The following MAST3 variants were observed in gnomAD, a reference collection of about 807,000 sequenced individuals.
The protein encoded by MAST3 is microtubule associated serine/threonine kinase 3.
MAST3 carries 43 observed loss-of-function variants against 127.0 expected under a neutral mutation model. That is an observed-to-expected ratio of 0.34 (90% CI 0.27 to 0.44). The LOEUF is 0.44. Ranked by LOEUF, MAST3 falls within the 20% of genes least tolerant of loss-of-function variation. The pLI, the probability that MAST3 is intolerant of heterozygous loss-of-function variation, is 1.00. For missense variants in MAST3, 1,390 were observed against 1,919.1 expected (o/e 0.72, Z 5.15); for synonymous variants, 785 against 809.2 (o/e 0.97, Z 0.51).
chr19:18,123,923 G>C lies in MAST3; in HGVS notation c.634-16G>C. On this transcript the variant is annotated splice_polypyrimidine_tract_variant and intron_variant, in intron 8 of 27. Coordinates refer to ENST00000687212, the MANE Select transcript of MAST3 (RefSeq NM_001393504.1). ...CCCCGCCCTCTGACCAGGTCGCCCC[G>C]TCTCGCCCCACCCAGGCCACAGCAC... 1 of 1,545,850 alleles carries C rather than the reference G, an allele frequency of 6.5e-7. No individual in the cohort carries two copies. Among genetic ancestry groups the C allele is most frequent in the Non-Finnish European group, 8.7e-7 (1 of 1,151,188 alleles).
At chr19:18,142,496 C>T (rs2042602917) in intron 21 of MAST3, among the ~76,000 whole-genome samples, 1 of 151,996 alleles carries the variant, frequency 6.6e-6, no homozygotes, top group Non-Finnish European at 1.5e-5. Flanking sequence ...GGACTACAGG[C>T]ACCTGCCACC....
At position 18,123,233 on chromosome 19, in the gene MAST3, G is replaced by A. The variant is rs1257587796; in HGVS notation, c.416G>A (p.Arg139Gln). The A allele has an allele frequency of 3.1e-6, 5 of 1,613,568 alleles. No homozygotes were observed. Among genetic ancestry groups the A allele is most frequent in the South Asian group, 1.1e-5 (1 of 91,074 alleles). ...SSTLSSSSSS[R>Q]ERLHQLPFQP... ...CTCTACCAGTCAAGCTCATCCTCCC[G>A]GGAACGTCTCCACCAGCTTCCCTTC... is the stretch of plus-strand genomic sequence containing the variant. Residue 139 changes from arginine (R) to glutamine (Q), a missense_variant, in exon 7 of 28, where the codon CGG becomes CAG. By Grantham distance (43) the Arg-to-Gln change is conservative. Around this residue, in one of 5 missense-constraint regions of MAST3, gnomAD observed 45 missense variants for 113.0 expected, o/e 0.40. Transcript: ENST00000687212.
rs145049650 is a variant in MAST3 at position 18,149,691 on chromosome 19, G to A, written c.4009G>A (p.Val1337Met). The A allele has an allele frequency of 7.3e-5, 118 of 1,613,014 alleles. No individual in the cohort carries two copies. Among genetic ancestry groups the A allele is most frequent in the Admixed American group, 2.3e-4 (14 of 60,012 alleles). The stretch of plus-strand genomic sequence containing the variant: ...GATCGCCGTGGAGGGCGAGGAAGCC[G>A]TGCCAGTAGCTCTCGGGCCCACCGG... The part of the protein sequence containing the change: ...PQIAVEGEEA[V>M]PVALGPTGRD Residue 1337 changes from valine (V) to methionine (M), a missense_variant, in exon 28 of 28, where the codon GTG becomes ATG. This residue lies in a region of MAST3 where 816 missense variants were observed against 934.1 expected (regional missense o/e 0.87). Transcript: ENST00000687212. The surrounding 1 kb of genome is among the most constrained non-coding windows in gnomAD (Gnocchi z 5.9).
chr19:18,141,146 T>A (rs1272027772), intron 20 of MAST3, among the ~76,000 whole-genome samples: 1 of 152,102 alleles, frequency 6.6e-6, no homozygotes, highest in African/African-American at 2.4e-5. Context: ...CTACTTTTTT[T>A]ATGATCTGAT....
At chr19:18,119,121 G>T (rs2039645775) in intron 3 of MAST3, among the ~76,000 whole-genome samples, 1 of 152,188 alleles carries the variant, frequency 6.6e-6, no homozygotes, top group Non-Finnish European at 1.5e-5. Context: ...CCTCCAGGAA[G>T]AGTTGAACAA....
intron 1 of MAST3, among the ~76,000 whole-genome samples, chr19:18,100,894 T>C (rs1038806197): frequency 2.0e-5 from 3 of 151,992 alleles, no homozygotes; most frequent in Non-Finnish European, 4.4e-5. Context: ...GACCGGCCAA[T>C]CCAGACGCAT....
Position 18,110,272 on chromosome 19 carries a change from C to A in MAST3, c.72-380C>A, listed in dbSNP as rs1419367225. The A allele has an allele frequency of 4.1e-6, 4 of 985,496 alleles. No homozygotes were observed. Among genetic ancestry groups the A allele is most frequent in the South Asian group, 4.7e-5 (1 of 21,298 alleles). 61.0% of individuals were successfully genotyped at this position (985,496 alleles called of 1,614,324 possible). On this transcript the variant is annotated intron_variant, in intron 2 of 27. Transcript: ENST00000687212. The surrounding 1 kb of genome is among the most constrained non-coding windows in gnomAD (Gnocchi z 4.3). ...CACGATCAGGGCTTCCGGGGGCCAA[C>A]AAGGGGGCGTCGGTACCCCGCCGCA...
At chr19:18,098,697 C>G (rs1190820851) in intron 1 of MAST3, 2 of 456,504 alleles carry the variant, frequency 4.4e-6, no homozygotes, top group African/African-American at 4.0e-5. Flanking sequence ...GGGACTTAGA[C>G]CACACCCTTA....
chr19:18,142,761 C>T (rs1402889818), intron 21 of MAST3, among the ~76,000 whole-genome samples: 3 of 151,790 alleles, frequency 2.0e-5, no homozygotes, highest in Non-Finnish European at 4.4e-5. Context: ...TCAAGAGATC[C>T]TCTCAAGTAG....
Position 18,110,616 on chromosome 19 carries a change from C to A in MAST3, c.72-36C>A. 1 of 960,114 alleles carries A rather than the reference C, an allele frequency of 1.0e-6. No individual in the cohort carries two copies. The highest frequency in any genetic ancestry group is 1.2e-6 in the Non-Finnish European group (1 of 806,558). The allele number at this position is 960,114 out of a possible 1,614,324, so 59.5% of individuals were successfully genotyped here. A position where few individuals can be genotyped will look rare whatever the true frequency, so the allele number is the denominator to read the frequency against. ...GGATTCGGCCACACGAAGGGGCGGC[C>A]GCCAGGTTCACCGTCCCCGGCCTCT... On this transcript the variant is annotated intron_variant, in intron 2 of 27. Transcript: ENST00000687212. This position sits in a 1 kb window ranked among gnomAD's most constrained non-coding sequence, Gnocchi z 4.3.
chr19:18,131,914 G>T lies in MAST3; in HGVS notation c.1438G>T (p.Asp480Tyr). ...CMVMEYVEGG[D>Y]CATLLKNMGP... ...TACATCCGCCCTTCTCCCAGGCGGC[G>T]ACTGCGCCACGCTCCTGAAGAACAT... The change falls in exon 15 of 28, where the codon GAC (aspartate) becomes TAC (tyrosine). Residue 480 changes from aspartate (D) to tyrosine (Y), a missense_variant. By Grantham distance (160) the Asp-to-Tyr change is radical. Around this residue, in one of 5 missense-constraint regions of MAST3, gnomAD observed 191 missense variants for 409.0 expected, o/e 0.47. Coordinates refer to ENST00000687212, the MANE Select transcript of MAST3 (RefSeq NM_001393504.1). 1 of 1,590,930 alleles carries T rather than the reference G, an allele frequency of 6.3e-7. No individual in the cohort carries two copies. Among genetic ancestry groups the T allele is most frequent in the South Asian group, 1.1e-5 (1 of 88,702 alleles).
chr19:18,107,467 G>A (rs2038164991), intron 1 of MAST3, 120 bp from the exon 2 acceptor site: 1 of 1,015,412 alleles, frequency 9.8e-7, no homozygotes, highest in Non-Finnish European at 1.6e-6. Flanking sequence ...AGTGTGTAGA[G>A]TGAGCGGGAA....
chr19:18,124,331 A>G lies in MAST3; in HGVS notation c.910A>G (p.Ile304Val), dbSNP rs766551312. 6.2e-6 allele frequency: 10 copies of G among 1,609,354 alleles called. No individual in the cohort carries two copies. Among genetic ancestry groups the G allele is most frequent in the Non-Finnish European group, 6.8e-6 (8 of 1,177,772 alleles). ...CCAGCTTGTCCGGAAACTGCTGATC[A>G]TCATCTCACGGCCAGCTCGGCTGCT... is the stretch of plus-strand genomic sequence containing the variant. ...IVQLVRKLLI[I>V]ISRPARLLEC... is the part of the protein sequence containing the mutation. Residue 304 changes from isoleucine (I) to valine (V), a missense_variant, in exon 10 of 28, where the codon ATC becomes GTC. Ile to Val is a conservative substitution (Grantham distance 29). This residue lies in a region of MAST3 where 277 missense variants were observed against 384.8 expected (regional missense o/e 0.72). Transcript: ENST00000687212.
In MAST3 at chr19:18,149,426, C is replaced by T. The variant is rs1276990245; in HGVS notation, c.3744C>T (p.Pro1248=). 3.1e-5 allele frequency: 46 copies of T among 1,493,578 alleles called. No homozygotes were observed. The highest frequency in any genetic ancestry group is 3.9e-5 in the Non-Finnish European group (44 of 1,127,844). 92.5% of individuals were successfully genotyped at this position (1,493,578 alleles called of 1,614,324 possible). A position where few individuals can be genotyped will look rare whatever the true frequency, so the allele number is the denominator to read the frequency against. ...RSPSPLPGHP[P]APARSPRLRR... ...CCTCGCCCCTGCCCGGGCACCCGCC[C>T]GCACCTGCCCGATCCCCGCGGCTGC... is the stretch of plus-strand genomic sequence containing the variant. The change falls in exon 28 of 28, where the codon CCC becomes CCT. Residue 1248 remains proline, a synonymous_variant. Transcript: ENST00000687212. This position sits in a 1 kb window ranked among gnomAD's most constrained non-coding sequence, Gnocchi z 5.9.
chr19:18,098,754 C>A (rs2037259933), intron 1 of MAST3: 1 of 456,586 alleles, frequency 2.2e-6, no homozygotes, highest in Admixed American at 2.4e-5. Context: ...TCAGCACTTA[C>A]CCAACGAACA....
intron 15 of MAST3, 104 bp downstream of exon 15, chr19:18,132,151 G>C: frequency 6.9e-7 from 1 of 1,454,970 alleles, no homozygotes; most frequent in Non-Finnish European, 9.2e-7. Flanking sequence ...GTGCATCCCG[G>C]GACCCTTCAG....
At chr19:18,104,974 A>C (rs918790373) in intron 1 of MAST3, among the ~76,000 whole-genome samples, 2 of 152,098 alleles carry the variant, frequency 1.3e-5, no homozygotes, top group African/African-American at 4.8e-5. Flanking sequence ...CATACAAATA[A>C]TTTGCATGGC....
rs273487 is a variant in MAST3, at chr19:18,124,854, C to T, written c.1078+80C>T. 1.4e-5 allele frequency: 21 copies of T among 1,482,572 alleles called. No homozygotes were observed. The African/African-American group carries it at 1.7e-4, about 12-fold the overall frequency. The allele number at this position is 1,482,572 out of a possible 1,614,324, so 91.8% of individuals were successfully genotyped here. ...GGCACGGTGGCTCACACCTTTAATA[C>T]CAGCACTTTGGGAAGCTAAGGCGGG... On this transcript the variant is annotated intron_variant, in intron 11 of 27. Coordinates refer to ENST00000687212, the MANE Select transcript of MAST3 (RefSeq NM_001393504.1).
At chr19:18,114,980 CTT>C (rs1246550503) in intron 3 of MAST3, among the ~76,000 whole-genome samples, 1 of 152,132 alleles carries the variant, frequency 6.6e-6, no homozygotes, top group African/African-American at 2.4e-5. Context: ...CTACCTGAGA[CTT>C]TGGCATTTAC....
Sources: allele counts gnomAD v4.1 joint callset (sites outside exome capture counted in the v4.1 genomes callset), GRCh38; gene constraint gnomAD v4.1.1; regional missense constraint gnomAD v4.1.1; non-coding constraint Gnocchi (gnomAD v3.1); transcripts MANE v1.5; gene names NCBI Gene and HGNC (gene_info 2026-07-23, HGNC 2026-07-21).